The following SLC2A9 variants were observed in gnomAD, a reference collection of about 807,000 sequenced individuals.
SLC2A9 encodes the protein solute carrier family 2, facilitated glucose transporter member 9.
A neutral mutation model predicts 50.6 loss-of-function variants in SLC2A9; 39 were observed. The ratio of observed to expected loss-of-function variants is 0.77; its 90% CI spans 0.60 to 1.01. SLC2A9 has a LOEUF of 1.01. Ranked by LOEUF, SLC2A9 falls within the 50% of genes least tolerant of loss-of-function variation. The pLI is 0.00. For synonymous variants in SLC2A9, 324 were observed against 276.9 expected (o/e 1.17, Z -1.69); for missense variants, 686 against 677.6 (o/e 1.01, Z -0.14).
intron 2 of SLC2A9, among the ~76,000 whole-genome samples, chr4:10,009,308 G>A (rs1001245282): frequency 6.6e-6 from 1 of 152,170 alleles, no homozygotes; most frequent in Admixed American, 6.5e-5. Flanking sequence ...TGGCATTATG[G>A]GGTGGGATTA....
rs765538001 is a variant in SLC2A9 at position 10,021,492 on chromosome 4, G to A, written c.-63C>T. On this transcript the variant is annotated 5_prime_UTR_variant, in exon 1 of 12. The change creates a new upstream start codon in the 5' untranslated region. Coordinates refer to ENST00000264784, the MANE Select transcript of SLC2A9 (RefSeq NM_020041.3). ...CCCCAGACTCTGCCAAGGCATTTCC[G>A]TGAGTGAGGAGGCAGAGTCCACTGG... 30 of 1,609,508 alleles carry A rather than the reference G, an allele frequency of 1.9e-5. No homozygotes were observed. The highest frequency in any genetic ancestry group is 3.3e-5 in the South Asian group (3 of 90,316).
Position 9,887,586 on chromosome 4 carries a change from G to A in SLC2A9, c.1272C>T (p.Ala424=). ...CCTTACCTGGCCCACTGCAGAAAGA[G>A]GCGATGATGGCCAGAATGCCCACGA... ...LSIVGILAII[A]SFCSGPGGIP... is the part of the protein sequence containing the mutation. Residue 424 remains alanine (A), a synonymous_variant, in exon 10 of 12, where the codon GCC becomes GCT. Coordinates refer to ENST00000264784, the MANE Select transcript of SLC2A9 (RefSeq NM_020041.3). 1 of 1,568,456 alleles carries A rather than the reference G, an allele frequency of 6.4e-7. No homozygotes were observed. Among genetic ancestry groups the A allele is most frequent in the Non-Finnish European group, 8.6e-7 (1 of 1,156,798 alleles).
At chr4:9,841,341 T>C (rs894080088) in intron 10 of SLC2A9, among the ~76,000 whole-genome samples, 6 of 152,096 alleles carry the variant, frequency 3.9e-5, no homozygotes, top group Admixed American at 3.3e-4. Context: ...GCATAGATAT[T>C]GTATGCTCTG....
chr4:9,983,340 C>A (rs879864026), intron 4 of SLC2A9, among the ~76,000 whole-genome samples: 1 of 152,190 alleles, frequency 6.6e-6, no homozygotes, highest in Non-Finnish European at 1.5e-5. Flanking sequence ...TTATTCTGCA[C>A]GTGGCCATGG....
intron 1 of SLC2A9, chr4:10,034,807 C>T (rs758699317): frequency 1.2e-4 from 18 of 152,316 alleles, no homozygotes; most frequent in Admixed American, 6.5e-4. Context: ...AGAGGTGAAG[C>T]TACTAGCCCA....
At chr4:9,892,636 G>A (rs186568231) in intron 8 of SLC2A9, among the ~76,000 whole-genome samples, 1 of 152,232 alleles carries the variant, frequency 6.6e-6, no homozygotes, top group Admixed American at 6.5e-5. Flanking sequence ...ATTTTTGCAG[G>A]GTAGCTGTGA....
chr4:10,032,964 G>T (rs954479161), intron 1 of SLC2A9, among the ~76,000 whole-genome samples: 1 of 152,078 alleles, frequency 6.6e-6, no homozygotes, highest in Non-Finnish European at 1.5e-5. Context: ...GTCGAGTGCT[G>T]CAATTAAAAA....
intron 6 of SLC2A9, 147 bp from the exon 7 acceptor site, chr4:9,920,719 T>C (rs1743785965): frequency 1.4e-5 from 12 of 851,614 alleles, no homozygotes; most frequent in Non-Finnish European, 2.1e-5. Flanking sequence ...AACTATGGAG[T>C]CCAAAGCCCT....
intron 10 of SLC2A9, among the ~76,000 whole-genome samples, chr4:9,847,729 AT>A (rs1412920686): frequency 1.3e-5 from 2 of 152,234 alleles, no homozygotes; most frequent in African/African-American, 4.8e-5. Context: ...TTGGGCAGTA[AT>A]AATAAAAATA....
At chr4:9,836,435 T>C (rs966047172) in intron 10 of SLC2A9, among the ~76,000 whole-genome samples, 1 of 151,784 alleles carries the variant, frequency 6.6e-6, no homozygotes, top group African/African-American at 2.4e-5. Flanking sequence ...GGGGAGGAGA[T>C]GGTGGAGATG....
At chr4:10,025,149 G>C (rs1014676358), upstream of SLC2A9, among the ~76,000 whole-genome samples, 2 of 149,990 alleles carry the variant, frequency 1.3e-5, no homozygotes, top group African/African-American at 4.9e-5. Flanking sequence ...ACCAAATACA[G>C]GTTTATTATA....
chr4:9,953,784 A>G (rs1223135219), intron 5 of SLC2A9, among the ~76,000 whole-genome samples: 1 of 136,210 alleles, frequency 7.3e-6, no homozygotes, highest in African/African-American at 3.0e-5. Context: ...TACCGTGCCC[A>G]GCTAAATTTT....
At chr4:9,927,837 C>G (rs1745184989) in intron 6 of SLC2A9, among the ~76,000 whole-genome samples, 1 of 152,174 alleles carries the variant, frequency 6.6e-6, no homozygotes, top group African/African-American at 2.4e-5. Flanking sequence ...TGTGGAGAAG[C>G]TGACAGGGTG....
intron 7 of SLC2A9, among the ~76,000 whole-genome samples, 194 bp from the exon 8 acceptor site, chr4:9,908,539 T>C (rs926409608): frequency 1.4e-5 from 2 of 143,396 alleles, no homozygotes; most frequent in Non-Finnish European, 3.0e-5. Context: ...ATTTTATTAT[T>C]TTATTTTTTA....
intron 10 of SLC2A9, among the ~76,000 whole-genome samples, chr4:9,870,678 A>C (rs1733277685): frequency 6.6e-6 from 1 of 152,204 alleles, no homozygotes; most frequent in African/African-American, 2.4e-5. Context: ...TAAGTACTAA[A>C]ACCGAACATG....
intron 1 of SLC2A9, among the ~76,000 whole-genome samples, chr4:10,038,293 G>A (rs1299214589): frequency 6.6e-6 from 1 of 151,868 alleles, no homozygotes; most frequent in Non-Finnish European, 1.5e-5. Flanking sequence ...GATCACTTGA[G>A]GTCAAGGAGT....
chr4:10,021,465 G>C lies in SLC2A9; in HGVS notation c.-36C>G. On this transcript the variant is annotated 5_prime_UTR_variant, in exon 1 of 12. Coordinates refer to ENST00000264784, the MANE Select transcript of SLC2A9 (RefSeq NM_020041.3). The stretch of plus-strand genomic sequence containing the variant: ...GACCCAGCTGATGGCTCAGTCCAGG[G>C]ACCCCAGACTCTGCCAAGGCATTTC... 6.2e-7 allele frequency: 1 copy of C among 1,613,634 alleles called. No homozygotes were observed. Among genetic ancestry groups the C allele is most frequent in the South Asian group, 1.1e-5 (1 of 90,958 alleles).
chr4:10,029,574 ATATT>A (rs1169320402), intron 1 of SLC2A9, among the ~76,000 whole-genome samples: 29 of 73,778 alleles, frequency 3.9e-4, no homozygotes, highest in East Asian at 1.5e-3. Context: ...TATTTATTTT[ATATT>A]TTTATTTTAT....
At chr4:9,827,566 T>A (rs888606403) in intron 11 of SLC2A9, among the ~76,000 whole-genome samples, 1 of 152,222 alleles carries the variant, frequency 6.6e-6, no homozygotes, top group African/African-American at 2.4e-5. Flanking sequence ...GGCAAAGTGC[T>A]TAAGCTTGAT....
Sources: allele counts gnomAD v4.1 joint callset (sites outside exome capture counted in the v4.1 genomes callset), GRCh38; gene constraint gnomAD v4.1.1; transcripts MANE v1.5; gene names NCBI Gene and HGNC (gene_info 2026-07-23, HGNC 2026-07-21).